MYO6: variants seen among roughly 807,000 people sequenced by gnomAD.
MYO6 encodes unconventional myosin-VI.
Under a neutral mutation model 178.7 loss-of-function variants are expected in MYO6, and 74 were observed. That is an observed-to-expected ratio of 0.41 (90% CI 0.34 to 0.50). The LOEUF is 0.50. Among genes scored for constraint, MYO6 ranks in the 20% least tolerant of loss-of-function variants. The probability of loss-of-function intolerance (pLI) is 0.09; values close to 1 mark genes in which losing one functional copy is unlikely to be tolerated. For missense variants in MYO6, 1,330 were observed against 1,547.4 expected, an observed-to-expected ratio of 0.86 and a Z score of 2.36; for synonymous variants, 477 against 504.6, an observed-to-expected ratio of 0.95 and a Z score of 0.73.
At position 75,838,559 on chromosome 6, in the gene MYO6, T is replaced by A. The variant is rs1773878892; in HGVS notation, c.554-2026T>A. 2.0e-5 allele frequency among the ~76,000 whole-genome samples: 3 copies of A among 152,044 alleles called. No individual in the cohort carries two copies. In the South Asian group the frequency reaches 6.2e-4, roughly 32 times the overall value. On this transcript the variant is annotated intron_variant, in intron 7 of 34. Coordinates refer to ENST00000369977, the MANE Select transcript of MYO6 (RefSeq NM_004999.4). Reference sequence around the variant, plus strand: ...TTCTTCAGCAAAAACTAGTAGATTATCAGTAAGGGAGTTGGGGAGACCTGT... The same window carrying A: ...TTCTTCAGCAAAAACTAGTAGATTAACAGTAAGGGAGTTGGGGAGACCTGT...
At chr6:75,860,866 T>G (rs1776140141) in intron 14 of MYO6, among the ~76,000 whole-genome samples, 157 bp from the exon 15 acceptor site, 1 of 152,228 alleles carries the variant, frequency 6.6e-6, no homozygotes, top group South Asian at 2.1e-4. Context: ...TCTGCAAGTG[T>G]TCAAAAATCT....
chr6:75,778,760 T>TA (rs576284998), intron 1 of MYO6, among the ~76,000 whole-genome samples: 18 of 148,138 alleles, frequency 1.2e-4, no homozygotes, highest in Non-Finnish European at 1.5e-4. Flanking sequence ...TTTAAATACT[T>TA]AAAAAAAAAA....
Position 75,893,753 on chromosome 6 carries a change from G to A in MYO6, c.3107+1063G>A, listed in dbSNP as rs192261536. The stretch of plus-strand genomic sequence containing the variant: ...CTTGTATATGAAAGTACATTATATT[G>A]TAAATGAACTGAATATGGCTATATG... On this transcript the variant is annotated intron_variant, in intron 28 of 34. Coordinates refer to ENST00000369977, the MANE Select transcript of MYO6 (RefSeq NM_004999.4). Among the ~76,000 whole-genome samples the A allele has an allele frequency of 2.0e-3, 302 of 152,264 alleles. 1 individual carries two copies. Among genetic ancestry groups the A allele is most frequent in the African/African-American group, 6.9e-3 (286 of 41,554 alleles).
intron 16 of MYO6, among the ~76,000 whole-genome samples, chr6:75,865,012 G>A (rs1378344131): frequency 6.6e-6 from 1 of 152,132 alleles, no homozygotes; most frequent in Admixed American, 6.5e-5. Flanking sequence ...TTGTCCTGGT[G>A]TATTGCCTCC....
At chr6:75,885,930 A>G in intron 23 of MYO6, 74 bp from the exon 24 acceptor site, 1 of 888,720 alleles carries the variant, frequency 1.1e-6, no homozygotes, top group East Asian at 2.7e-5. Flanking sequence ...TACTTTGTGA[A>G]AATGAGTTTT....
At chr6:75,785,468 C>G (rs989111931) in intron 1 of MYO6, among the ~76,000 whole-genome samples, 2 of 132,570 alleles carry the variant, frequency 1.5e-5, no homozygotes, top group Non-Finnish European at 3.1e-5. Flanking sequence ...TTGGTCTTTT[C>G]TTTTCTTTTT....
At chr6:75,769,912 A>G (rs1476947876) in intron 1 of MYO6, among the ~76,000 whole-genome samples, 1 of 151,994 alleles carries the variant, frequency 6.6e-6, no homozygotes, top group Admixed American at 6.6e-5. Context: ...AGGAAAAAAA[A>G]AAAGAATAGA....
intron 30 of MYO6, among the ~76,000 whole-genome samples, chr6:75,905,820 G>C (rs1016272518): frequency 6.6e-6 from 1 of 152,210 alleles, no homozygotes; most frequent in Non-Finnish European, 1.5e-5. Context: ...GTAGGATGAA[G>C]TATGCTATTT....
At chr6:75,904,344 C>G (rs1189863594) in intron 30 of MYO6, among the ~76,000 whole-genome samples, 1 of 151,648 alleles carries the variant, frequency 6.6e-6, no homozygotes, top group Non-Finnish European at 1.5e-5. Context: ...GTTCCATTCT[C>G]CCCGTCACTT....
chr6:75,820,286 C>T (rs1364062229), intron 2 of MYO6, among the ~76,000 whole-genome samples: 1 of 152,134 alleles, frequency 6.6e-6, no homozygotes, highest in Admixed American at 6.5e-5. Flanking sequence ...AAGTCCTTAC[C>T]ATACCCCAGG....
In MYO6 at chr6:75,916,932, C is replaced by T. The variant is rs2149439108; in HGVS notation, c.*1920C>T. On this transcript the variant is annotated 3_prime_UTR_variant, in exon 35 of 35. Coordinates refer to ENST00000369977, the MANE Select transcript of MYO6 (RefSeq NM_004999.4). ...TAATACAATTATAGTTAATCTTAAG[C>T]CATAATGTTTCTAATCATGTCACAC... is the stretch of plus-strand genomic sequence containing the variant. 1 of 152,240 alleles carries T rather than the reference C, an allele frequency of 6.6e-6. No individual in the cohort carries two copies. The highest frequency in any genetic ancestry group is 2.1e-4 in the South Asian group (1 of 4,820). 9.4% of individuals were successfully genotyped at this position (152,240 alleles called of 1,614,324 possible).
chr6:75,849,004 GAA>G (rs1358121163), intron 11 of MYO6, among the ~76,000 whole-genome samples: 2 of 152,158 alleles, frequency 1.3e-5, no homozygotes, highest in African/African-American at 2.4e-5. Flanking sequence ...TATGCAGATT[GAA>G]AAGAGTATTT....
intron 1 of MYO6, among the ~76,000 whole-genome samples, chr6:75,809,939 C>G (rs867204359): frequency 2.0e-5 from 3 of 149,984 alleles, no homozygotes; most frequent in Middle Eastern, 3.5e-3. Flanking sequence ...CAAAAATTAG[C>G]TGGGCGTTGT....
At chr6:75,765,786 G>A (rs970582205) in intron 1 of MYO6, among the ~76,000 whole-genome samples, 2 of 152,058 alleles carry the variant, frequency 1.3e-5, no homozygotes, top group Non-Finnish European at 2.9e-5. Context: ...CAACACTTTG[G>A]GAGGTTGAGG....
At chr6:75,832,974 T>G in intron 6 of MYO6, 27 bp downstream of exon 6, 1 of 1,475,428 alleles carries the variant, frequency 6.8e-7, no homozygotes, top group Non-Finnish European at 9.5e-7. Context: ...CTTGAAGTAT[T>G]TGAGTAGGTT....
rs573890424 is a variant in MYO6 at position 75,917,961 on chromosome 6, A to G, written c.*2949A>G. On this transcript the variant is annotated 3_prime_UTR_variant, in exon 35 of 35. Coordinates refer to ENST00000369977, the MANE Select transcript of MYO6 (RefSeq NM_004999.4). ...ATTTATTGAATCAATCAGTCAGCCA[A>G]TTAATATGATGTTAGTGATAGACCT... 1 of 152,752 alleles carries G rather than the reference A, an allele frequency of 6.5e-6. No homozygotes were observed. The highest frequency in any genetic ancestry group is 6.5e-5 in the Admixed American group (1 of 15,298). The allele number at this position is 152,752 out of a possible 1,614,324, so 9.5% of individuals were successfully genotyped here.
rs529047527 is a variant in MYO6, at chr6:75,862,074, A to G, written c.1547-522A>G. Among the ~76,000 whole-genome samples, 72 of 152,300 alleles carry G rather than the reference A, an allele frequency of 4.7e-4. 2 individuals are homozygous for G. In the South Asian group the frequency reaches 0.015, roughly 31 times the overall value. Reference sequence around the variant, plus strand: ...ATGTCTTATAGCTTTGTTCCACTTAATCATTGTTATATACTGTATTCAAGC... The same window carrying G: ...ATGTCTTATAGCTTTGTTCCACTTAGTCATTGTTATATACTGTATTCAAGC... On this transcript the variant is annotated intron_variant, in intron 15 of 34. Coordinates refer to ENST00000369977, the MANE Select transcript of MYO6 (RefSeq NM_004999.4).
rs577647357 is a variant in MYO6 at position 75,762,358 on chromosome 6, A to G, written c.-48+12935A>G. On this transcript the variant is annotated intron_variant, in intron 1 of 34. Transcript: ENST00000369977. ...GACTATTCTTATTATTCTATTTTAT[A>G]GCTGAGAGAGCTGAGGTCTAAGTAA... Among the ~76,000 whole-genome samples, 3 of 152,332 alleles carry G rather than the reference A, an allele frequency of 2.0e-5. No homozygotes were observed. The East Asian group carries it at 5.8e-4, about 29-fold the overall frequency.
intron 1 of MYO6, among the ~76,000 whole-genome samples, chr6:75,753,182 A>T (rs1210667984): frequency 6.6e-6 from 1 of 152,152 alleles, no homozygotes; most frequent in Non-Finnish European, 1.5e-5. Flanking sequence ...AATGAGCAGA[A>T]GCAAGGTAGG....
Sources: allele counts gnomAD v4.1 joint callset (sites outside exome capture counted in the v4.1 genomes callset), GRCh38; gene constraint gnomAD v4.1.1; transcripts MANE v1.5; gene names NCBI Gene and HGNC (gene_info 2026-07-23, HGNC 2026-07-21).